The following NUDT22 variants were observed in gnomAD, a reference collection of about 807,000 sequenced individuals.
NUDT22 encodes nudix hydrolase 22.
Under a neutral mutation model 28.8 loss-of-function variants are expected in NUDT22, and 23 were observed. The ratio of observed to expected loss-of-function variants is 0.80; its 90% CI spans 0.58 to 1.13. The LOEUF is 1.13. NUDT22 is among the 50% of genes most tolerant of loss of function. The pLI is 0.00. For synonymous variants in NUDT22, 175 were observed against 173.7 expected (o/e 1.01, Z -0.06); for missense variants, 358 against 387.3 (o/e 0.92, Z 0.64).
chr11:64,229,028 C>A (rs1170190616), intron 3 of NUDT22: 2 of 536,712 alleles, frequency 3.7e-6, no homozygotes, highest in Non-Finnish European at 3.3e-6. Context: ...AAATTGACTT[C>A]TCTTGGGTGA....
intron 2 of NUDT22, 100 bp from the exon 3 acceptor site, chr11:64,227,468 C>T (rs1278363751): frequency 2.2e-6 from 2 of 890,962 alleles, no homozygotes; most frequent in South Asian, 1.3e-5. Context: ...TTACACTGTG[C>T]CACATCAGAC....
rs778857307 is a variant in NUDT22 at position 64,230,001 on chromosome 11, C to T, written c.*11C>T. On this transcript the variant is annotated 3_prime_UTR_variant, in exon 6 of 6. Transcript: ENST00000279206. Reference sequence around the variant, plus strand: ...CTCCCGCCGCTCTGAAAATAATAAACGACTTTATTCTTGGATTCCGTTGGC... The same window carrying T: ...CTCCCGCCGCTCTGAAAATAATAAATGACTTTATTCTTGGATTCCGTTGGC... 1.2e-6 allele frequency: 2 copies of T among 1,611,008 alleles called. No individual in the cohort carries two copies. Among genetic ancestry groups the T allele is most frequent in the Admixed American group, 1.7e-5 (1 of 59,486 alleles).
chr11:64,228,182 C>CTTT (rs1207902951), intron 3 of NUDT22, among the ~76,000 whole-genome samples: 3 of 68,854 alleles, frequency 4.4e-5, no homozygotes, highest in African/African-American at 7.8e-5. Flanking sequence ...GATTCTTCTT[C>CTTT]TTTTTTTTTT....
Position 64,226,893 on chromosome 11 carries a change from C to A in NUDT22, c.241C>A (p.Arg81Ser). ...IGSRGPQLLLRLGLTSYRDFL... is the reference protein window; with the variant it reads ...IGSRGPQLLLSLGLTSYRDFL... ...CTCTCGGGGGCCACAGCTGCTCCTGCGCCTGGGCCTTACTTCCTACCGAGA... is the reference window on the plus strand; with the variant it reads ...CTCTCGGGGGCCACAGCTGCTCCTGAGCCTGGGCCTTACTTCCTACCGAGA... The change falls in exon 2 of 6, where the codon CGC (arginine) becomes AGC (serine). Residue 81 changes from arginine (R) to serine (S), a missense_variant. Arg to Ser is a moderately radical substitution (Grantham distance 110, BLOSUM62 -1). Coordinates refer to ENST00000279206, the MANE Select transcript of NUDT22 (RefSeq NM_032344.4). The A allele has an allele frequency of 1.2e-6, 2 of 1,603,920 alleles. No individual in the cohort carries two copies. The highest frequency in any genetic ancestry group is 2.2e-5 in the East Asian group (1 of 44,880).
chr11:64,229,666 A>G, intron 5 of NUDT22, 95 bp downstream of exon 5: 3 of 1,388,152 alleles, frequency 2.2e-6, no homozygotes, highest in Middle Eastern at 1.8e-4. Context: ...TGGCTGGGTC[A>G]CAATTCCCTC....
intron 3 of NUDT22, 193 bp downstream of exon 3, chr11:64,227,859 C>T: frequency 1.7e-6 from 1 of 581,992 alleles, no homozygotes; most frequent in Non-Finnish European, 3.0e-6. Flanking sequence ...GATTCTTCTT[C>T]TTTTCTTTTT....
rs188629016 is a variant in NUDT22, at chr11:64,227,713, G to T, written c.579+47G>T. ...AGGGTGGTAGACATGAAGGGAGGGGGTAGGACTTGCCAGAATTCTACAGGT... is the reference window on the plus strand; with the variant it reads ...AGGGTGGTAGACATGAAGGGAGGGGTTAGGACTTGCCAGAATTCTACAGGT... On this transcript the variant is annotated intron_variant, in intron 3 of 5. Transcript: ENST00000279206. The T allele has an allele frequency of 4.0e-5, 60 of 1,500,804 alleles. No individual in the cohort carries two copies. The African/African-American group carries it at 6.3e-4, about 16-fold the overall frequency. The allele number at this position is 1,500,804 out of a possible 1,614,324, so 93.0% of individuals were successfully genotyped here.
At position 64,229,813 on chromosome 11, in the gene NUDT22, CA is replaced by C. The variant is rs1385621291; in HGVS notation, c.772-35del. ...GGCACAGCCCTGGCAGGAGAAGTGGCAAGCTTGAATGCCTGGGTCTCGTTGT... is the reference window on the plus strand; with the variant it reads ...GGCACAGCCCTGGCAGGAGAAGTGGCAGCTTGAATGCCTGGGTCTCGTTGT... On this transcript the variant is annotated intron_variant, in intron 5 of 5. Transcript: ENST00000279206. The C allele has an allele frequency of 2.5e-6, 4 of 1,611,714 alleles. No individual in the cohort carries two copies. The African/African-American group carries it at 5.3e-5, about 22-fold the overall frequency.
rs534728109 is a variant in NUDT22 at position 64,228,489 on chromosome 11, C to G, written c.580-758C>G. 4.0e-5 allele frequency: 6 copies of G among 151,882 alleles called. No individual in the cohort carries two copies. The East Asian group carries it at 9.8e-4, about 25-fold the overall frequency. The allele number at this position is 151,882 out of a possible 1,614,324, so 9.4% of individuals were successfully genotyped here. On this transcript the variant is annotated intron_variant, in intron 3 of 5. Transcript: ENST00000279206. ...ACCATCCTGGCTAACACGGTGAAAC[C>G]CTGACTTTACTAAAAATACCAAAAG... is the stretch of plus-strand genomic sequence containing the variant.
Position 64,229,318 on chromosome 11 carries a change from C to A in NUDT22, c.651C>A (p.Gly217=). The A allele has an allele frequency of 6.2e-7, 1 of 1,607,486 alleles. No homozygotes were observed. Among genetic ancestry groups the A allele is most frequent in the Non-Finnish European group, 8.5e-7 (1 of 1,176,930 alleles). ...LGIARNETSA[G]RASAEFYVQC... ...TCGCCCGAAATGAGACCAGTGCTGG[C>A]CGAGCCAGTGCCGAGTTCTATGTCC... Residue 217 remains glycine (G), a synonymous_variant, in exon 4 of 6, where the codon GGC becomes GGA. Transcript: ENST00000279206.
intron 1 of NUDT22, 103 bp downstream of exon 1, chr11:64,226,530 C>A: frequency 6.7e-7 from 1 of 1,489,826 alleles, no homozygotes; most frequent in African/African-American, 1.4e-5. Context: ...GGTGGAGAAG[C>A]GCTGCGGATA....
At chr11:64,227,505 C>T (rs1438221734) in intron 2 of NUDT22, 63 bp from the exon 3 acceptor site, 13 of 1,279,776 alleles carry the variant, frequency 1.0e-5, no homozygotes, top group Non-Finnish European at 1.1e-5. Flanking sequence ...TATAGGCTTG[C>T]TGGTCCTGAG....
At chr11:64,227,285 C>G (rs1290728544) in intron 2 of NUDT22, 153 bp downstream of exon 2, 2 of 914,352 alleles carry the variant, frequency 2.2e-6, no homozygotes, top group East Asian at 5.2e-5. Context: ...GTCCACCTGC[C>G]TCCCCACTGA....
downstream of NUDT22, chr11:64,230,093 GGAAA>G: frequency 9.8e-7 from 1 of 1,021,890 alleles, no homozygotes; most frequent in Non-Finnish European, 1.4e-6. Context: ...AAGTGACTTG[GGAAA>G]AAAAAAAAAA....
At chr11:64,229,193 G>A in intron 3 of NUDT22, 54 bp from the exon 4 acceptor site, 8 of 1,261,452 alleles carry the variant, frequency 6.3e-6, no homozygotes, top group Non-Finnish European at 8.9e-6. Context: ...GGGCAGGGAT[G>A]TGGGCAGTGG....
rs1947129193 is a variant in NUDT22 at position 64,229,276 on chromosome 11, GC to G, written c.613del (p.Leu205CysfsTer25). 6.3e-7 allele frequency: 1 copy of G among 1,592,532 alleles called. No homozygotes were observed. The highest frequency in any genetic ancestry group is 1.3e-5 in the African/African-American group (1 of 74,584). ...VNLPLLTLSQPLLLGIARNET... is the reference protein window; with the variant it reads ...VNLPLLTLSQXLLLGIARNET... ...ACCTGCCGCTGCTCACCCTGAGCCA[GC>G]CCCTGCTGTTGGGCATCGCCCGAAA... On this transcript the variant is annotated frameshift_variant, in exon 4 of 6. Coordinates refer to ENST00000279206, the MANE Select transcript of NUDT22 (RefSeq NM_032344.4). LOFTEE classifies it high-confidence loss of function.
intron 3 of NUDT22, among the ~76,000 whole-genome samples, chr11:64,228,092 TG>T (rs1412075374): frequency 1.3e-5 from 2 of 151,636 alleles, no homozygotes; most frequent in Non-Finnish European, 2.9e-5. Flanking sequence ...AGGATGGTCT[TG>T]ATCTCCTGAC....
In NUDT22 at chr11:64,229,524, G is replaced by A. The variant is rs1399575400; in HGVS notation, c.724G>A (p.Gly242Arg). 3 of 1,614,072 alleles carry A rather than the reference G, an allele frequency of 1.9e-6. No homozygotes were observed. Among genetic ancestry groups the A allele is most frequent in the Non-Finnish European group, 2.5e-6 (3 of 1,180,022 alleles). The change falls in exon 5 of 6, where the codon GGA (glycine) becomes AGA (arginine). Residue 242 changes from glycine (G) to arginine (R), a missense_variant. Coordinates refer to ENST00000279206, the MANE Select transcript of NUDT22 (RefSeq NM_032344.4). The stretch of plus-strand genomic sequence containing the variant: ...GGTGAGGAAGCACTACCTGAGTGGG[G>A]GACCCGAGGCCCACGAGTCTACAGG... ...EQVRKHYLSGGPEAHESTGIF... is the reference protein window; with the variant it reads ...EQVRKHYLSGRPEAHESTGIF...
rs1196732438 is a variant in NUDT22, at chr11:64,229,315, T to G, written c.648T>G (p.Ala216=). The change falls in exon 4 of 6, where the codon GCT becomes GCG. Residue 216 remains alanine (A), a synonymous_variant. Transcript: ENST00000279206. ...LLGIARNETS[A]GRASAEFYVQ... Reference sequence around the variant, plus strand: ...GCATCGCCCGAAATGAGACCAGTGCTGGCCGAGCCAGTGCCGAGTTCTATG... The same window carrying G: ...GCATCGCCCGAAATGAGACCAGTGCGGGCCGAGCCAGTGCCGAGTTCTATG... 3.1e-6 allele frequency: 5 copies of G among 1,606,188 alleles called. No individual in the cohort carries two copies. In the East Asian group the frequency reaches 1.1e-4, roughly 36 times the overall value.
Sources: gnomAD v4.1 joint callset for allele counts (sites outside exome capture counted in the v4.1 genomes callset) on GRCh38, gnomAD v4.1.1 for gene constraint, MANE v1.5 for transcripts, NCBI Gene and HGNC (gene_info 2026-07-23, HGNC 2026-07-21) for gene names.